The following HPCAL1 variants were observed in gnomAD, a reference collection of about 807,000 sequenced individuals.
The protein encoded by HPCAL1 is hippocalcin like 1, also known as hippocalcin-like protein 1.
HPCAL1 carries 8 observed loss-of-function variants against 17.1 expected under a neutral mutation model. The observed-to-expected ratio is 0.47, with a 90% confidence interval of 0.27 to 0.84. HPCAL1 has a LOEUF of 0.84. Ranked by LOEUF, HPCAL1 falls within the 40% of genes least tolerant of loss-of-function variation. HPCAL1 has a pLI of 0.13. For missense variants in HPCAL1, 165 were observed against 271.1 expected (o/e 0.61, Z 2.75); for synonymous variants, 112 against 111.4 (o/e 1.01, Z -0.03).
At chr2:10,382,149 A>G (rs371524103) in intron 1 of HPCAL1, among the ~76,000 whole-genome samples, 35 of 152,340 alleles carry the variant, frequency 2.3e-4, no homozygotes, top group African/African-American at 8.2e-4. Context: ...GGGGGAACTC[A>G]TCTGCATATG....
At chr2:10,385,908 C>T (rs1036873568) in intron 1 of HPCAL1, among the ~76,000 whole-genome samples, 4 of 152,056 alleles carry the variant, frequency 2.6e-5, no homozygotes, top group South Asian at 4.1e-4. Context: ...GGGGGGTGTC[C>T]GGAGCCTCTC....
At chr2:10,403,457 TGTG>T (rs1669765938) in intron 2 of HPCAL1, among the ~76,000 whole-genome samples, 2 of 264 alleles carry the variant, frequency 7.6e-3, no homozygotes, top group Non-Finnish European at 0.018. Context: ...AGTTCTTTTG[TGTG>T]TGTGTGTGTG....
chr2:10,384,000 A>G (rs1238602065), intron 1 of HPCAL1, among the ~76,000 whole-genome samples: 1 of 138,568 alleles, frequency 7.2e-6, no homozygotes, highest in Admixed American at 7.7e-5. Flanking sequence ...ATAATTACAC[A>G]TGCATATACA....
Position 10,420,146 on chromosome 2 carries a change from C to T in HPCAL1, c.378+11C>T. Reference sequence around the variant, plus strand: ...CTGGAGATCGTGCAGGTACCGGCGCCCGAGGCCCCGGGTCTCACCGCGGGC... The same window carrying T: ...CTGGAGATCGTGCAGGTACCGGCGCTCGAGGCCCCGGGTCTCACCGCGGGC... On this transcript the variant is annotated intron_variant, in intron 3 of 4. Transcript: ENST00000307845. 1.9e-6 allele frequency: 3 copies of T among 1,599,006 alleles called. No individual in the cohort carries two copies. Among genetic ancestry groups the T allele is most frequent in the East Asian group, 4.5e-5 (2 of 44,570 alleles).
At chr2:10,337,301 A>T (rs1301587536) in intron 1 of HPCAL1, among the ~76,000 whole-genome samples, 1 of 152,120 alleles carries the variant, frequency 6.6e-6, no homozygotes, top group African/African-American at 2.4e-5. Flanking sequence ...ACGTATTCTT[A>T]CAAGTAGAAT....
At chr2:10,351,204 A>G (rs1156514246) in intron 1 of HPCAL1, among the ~76,000 whole-genome samples, 1 of 152,244 alleles carries the variant, frequency 6.6e-6, no homozygotes, top group Non-Finnish European at 1.5e-5. Flanking sequence ...CTATCCATAC[A>G]ATGGAATATC....
chr2:10,426,758 C>T lies in HPCAL1; in HGVS notation c.519C>T (p.Ala173=). 6.2e-7 allele frequency: 1 copy of T among 1,613,470 alleles called. No individual in the cohort carries two copies. Among genetic ancestry groups the T allele is most frequent in the Non-Finnish European group, 8.5e-7 (1 of 1,179,996 alleles). The change falls in exon 5 of 5, where the codon GCC becomes GCT. Residue 173 remains alanine, a synonymous_variant. Coordinates refer to ENST00000307845, the MANE Select transcript of HPCAL1 (RefSeq NM_002149.4). ...CCTTGGAAGAATTCATCAGAGGTGC[C>T]AAGAGCGACCCCTCCATCGTCCGCC... ...KLSLEEFIRG[A]KSDPSIVRLL... is the part of the protein sequence containing the mutation.
At chr2:10,353,928 T>C (rs1158396483) in intron 1 of HPCAL1, among the ~76,000 whole-genome samples, 1 of 152,212 alleles carries the variant, frequency 6.6e-6, no homozygotes, top group East Asian at 1.9e-4. Context: ...GCTGCCCTCA[T>C]GCAGCAGGCA....
In HPCAL1 at chr2:10,342,243, A is replaced by AT. The variant is rs1665136072; in HGVS notation, c.-111+39071dup. Among the ~76,000 whole-genome samples, 1 of 151,948 alleles carries AT rather than the reference A, an allele frequency of 6.6e-6. No homozygotes were observed. The highest frequency in any genetic ancestry group is 1.5e-5 in the Non-Finnish European group (1 of 67,996). ...GGAGCGTTTGTGGGATTTAAGACAGATTTTTCCTTGCTGAGTGGTTATCAT... is the reference window on the plus strand; with the variant it reads ...GGAGCGTTTGTGGGATTTAAGACAGATTTTTTCCTTGCTGAGTGGTTATCAT... On this transcript the variant is annotated intron_variant, in intron 1 of 4. Coordinates refer to ENST00000307845, the MANE Select transcript of HPCAL1 (RefSeq NM_002149.4). The surrounding 1 kb of genome is among the most constrained non-coding windows in gnomAD (Gnocchi z 4.1).
intron 4 of HPCAL1, chr2:10,424,942 C>A: frequency 3.9e-6 from 1 of 255,574 alleles, no homozygotes; most frequent in African/African-American, 2.2e-5. Context: ...ATTAAAGCCA[C>A]CCTCTCCTCA....
At chr2:10,413,943 C>G (rs1670501125) in intron 2 of HPCAL1, among the ~76,000 whole-genome samples, 1 of 152,228 alleles carries the variant, frequency 6.6e-6, no homozygotes, top group African/African-American at 2.4e-5. Context: ...CAGAAAGGGC[C>G]TGCCACTAGC....
Position 10,423,083 on chromosome 2 carries a change from A to G in HPCAL1, c.479A>G (p.Asn160Ser). ...ATCTTCAGGCAGATGGACACCAACA[A>G]TGACGGTAGTGCGGGGTGGGGGCGG... The part of the protein sequence containing the change: ...DKIFRQMDTN[N>S]DGKLSLEEFI... Residue 160 changes from asparagine (N) to serine (S), a missense_variant, in exon 4 of 5, where the codon AAT (asparagine) becomes AGT (serine). Coordinates refer to ENST00000307845, the MANE Select transcript of HPCAL1 (RefSeq NM_002149.4). 2 of 1,572,412 alleles carry G rather than the reference A, an allele frequency of 1.3e-6. No individual in the cohort carries two copies. Among genetic ancestry groups the G allele is most frequent in the Non-Finnish European group, 1.7e-6 (2 of 1,142,932 alleles).
rs537483198 is a variant in HPCAL1 at position 10,331,765 on chromosome 2, G to A, written c.-111+28588G>A. Among the ~76,000 whole-genome samples, 131 of 152,214 alleles carry A rather than the reference G, an allele frequency of 8.6e-4. 2 individuals carry two copies. Among genetic ancestry groups the A allele is most frequent in the Admixed American group, 5.2e-4 (8 of 15,290 alleles). On this transcript the variant is annotated intron_variant, in intron 1 of 4. Coordinates refer to ENST00000307845, the MANE Select transcript of HPCAL1 (RefSeq NM_002149.4). The surrounding 1 kb of genome is among the most constrained non-coding windows in gnomAD (Gnocchi z 5.0). ...TTGTGGATGGGGACATAAACAAGCC[G>A]CCATCAACTGCTTGGTGACATTGGC...
chr2:10,352,889 G>A (rs541858540), intron 1 of HPCAL1, among the ~76,000 whole-genome samples: 6 of 152,204 alleles, frequency 3.9e-5, no homozygotes, highest in Non-Finnish European at 8.8e-5. Flanking sequence ...GCTCTTTGAA[G>A]GTGGGTACCA....
intron 1 of HPCAL1, among the ~76,000 whole-genome samples, chr2:10,339,487 T>A (rs546686804): frequency 2.1e-4 from 32 of 152,298 alleles, no homozygotes; most frequent in African/African-American, 5.8e-4. Context: ...GTATTTTTAG[T>A]AGAGACGGGA....
In HPCAL1 at chr2:10,310,276, C is replaced by T. The variant is rs1454328838; in HGVS notation, c.-111+7099C>T. On this transcript the variant is annotated intron_variant, in intron 1 of 4. Coordinates refer to ENST00000307845, the MANE Select transcript of HPCAL1 (RefSeq NM_002149.4). The surrounding 1 kb of genome is among the most constrained non-coding windows in gnomAD (Gnocchi z 4.5). ...CGCAGCTCAGACGTAGATGGGGACG[C>T]AGATGTGAGTACCTAGGTGAGTCTG... is the stretch of plus-strand genomic sequence containing the variant. 6.6e-6 allele frequency among the ~76,000 whole-genome samples: 1 copy of T among 152,068 alleles called. No individual in the cohort carries two copies. The highest frequency in any genetic ancestry group is 3.2e-3 in the Middle Eastern group (1 of 316).
chr2:10,320,463 C>T (rs931672251), intron 1 of HPCAL1, among the ~76,000 whole-genome samples: 3 of 152,146 alleles, frequency 2.0e-5, no homozygotes, highest in Admixed American at 6.5e-5. Flanking sequence ...CCATGTAGGA[C>T]GTGCCTGCTG....
chr2:10,314,742 A>G (rs1211812991), intron 1 of HPCAL1, among the ~76,000 whole-genome samples: 1 of 152,234 alleles, frequency 6.6e-6, no homozygotes, highest in African/African-American at 2.4e-5. Flanking sequence ...AGTAGGGAGT[A>G]TTATAGAGAT....
intron 1 of HPCAL1, among the ~76,000 whole-genome samples, chr2:10,355,450 C>CAA (rs34600690): frequency 0.068 from 2,188 of 32,240 alleles, 379 homozygotes; most frequent in African/African-American, 0.11. Flanking sequence ...GACTCCGTCT[C>CAA]AAAAAAAAAA....
Sources: allele counts gnomAD v4.1 joint callset (sites outside exome capture counted in the v4.1 genomes callset), GRCh38; gene constraint gnomAD v4.1.1; non-coding constraint Gnocchi (gnomAD v3.1); transcripts MANE v1.5; gene names NCBI Gene and HGNC (gene_info 2026-07-23, HGNC 2026-07-21).